LNX1: variants seen among roughly 807,000 people sequenced by gnomAD.
The protein encoded by LNX1 is ligand of numb-protein X 1, also known as E3 ubiquitin-protein ligase LNX.
Under a neutral mutation model 68.4 loss-of-function variants are expected in LNX1, and 54 were observed. The observed-to-expected ratio is 0.79, with a 90% CI of 0.63 to 0.99. The LOEUF is 0.99. LNX1 is among the 50% of genes least tolerant of loss of function. The pLI is 0.00. For synonymous variants in LNX1, 336 were observed against 350.0 expected, an observed-to-expected ratio of 0.96 and a Z score of 0.45; for missense variants, 906 against 926.4, an observed-to-expected ratio of 0.98 and a Z score of 0.29.
At chr4:53,597,657 T>C (rs11941712) in intron 2 of LNX1, among the ~76,000 whole-genome samples, 42,079 of 152,010 alleles carry the variant, frequency 0.28, 5,809 homozygotes, top group East Asian at 0.36. Flanking sequence ...CCAGGGCAGA[T>C]TTCTGTCTAG....
At chr4:53,636,061 T>C (rs1020780897) in intron 1 of LNX1, among the ~76,000 whole-genome samples, 4 of 151,774 alleles carry the variant, frequency 2.6e-5, no homozygotes, top group Non-Finnish European at 5.9e-5. Flanking sequence ...TACATTTACA[T>C]GAAGGAGATG....
intron 4 of LNX1, among the ~76,000 whole-genome samples, chr4:53,504,473 C>T (rs1005618796): frequency 2.6e-5 from 4 of 152,218 alleles, no homozygotes; most frequent in Non-Finnish European, 4.4e-5. Context: ...TTTTGTTTTT[C>T]TATCCAGGTT....
At chr4:53,587,321 A>G (rs1379890659) in intron 1 of LNX1, among the ~76,000 whole-genome samples, 1 of 152,128 alleles carries the variant, frequency 6.6e-6, no homozygotes, top group Non-Finnish European at 1.5e-5. Flanking sequence ...TGGTTTTTTT[A>G]TGGTTTTCAT....
intron 1 of LNX1, among the ~76,000 whole-genome samples, chr4:53,635,947 C>T (rs184632734): frequency 1.3e-5 from 2 of 152,132 alleles, no homozygotes; most frequent in African/African-American, 4.8e-5. Flanking sequence ...TGGGCTGATA[C>T]GGCCAGTGAT....
chr4:53,601,785 C>A (rs2109835988), intron 2 of LNX1, among the ~76,000 whole-genome samples: 1 of 152,270 alleles, frequency 6.6e-6, no homozygotes, highest in Non-Finnish European at 1.5e-5. Flanking sequence ...AAGATGGCAT[C>A]TTCTCCAGGA....
chr4:53,558,144 A>G (rs1730049606), intron 2 of LNX1: 2 of 1,405,080 alleles, frequency 1.4e-6, no homozygotes, highest in Non-Finnish European at 1.9e-6. Flanking sequence ...TAAGAAGATT[A>G]TGCTCTCTGA....
intron 1 of LNX1, among the ~76,000 whole-genome samples, chr4:53,641,719 G>A (rs947949388): frequency 6.6e-6 from 1 of 152,128 alleles, no homozygotes; most frequent in Non-Finnish European, 1.5e-5. Context: ...GTATTGATCT[G>A]CTTTCTATAA....
intron 1 of LNX1, among the ~76,000 whole-genome samples, chr4:53,625,757 C>G (rs1371117772): frequency 6.6e-6 from 1 of 152,036 alleles, no homozygotes; most frequent in Non-Finnish European, 1.5e-5. Context: ...TAGTAAGCCA[C>G]GACTGCATCA....
chr4:53,554,576 G>A (rs1395283522), intron 2 of LNX1, among the ~76,000 whole-genome samples: 1 of 152,194 alleles, frequency 6.6e-6, no homozygotes, highest in East Asian at 1.9e-4. Flanking sequence ...ATTCCTGGCT[G>A]GGCACAGTGG....
At position 53,478,704 on chromosome 4, in the gene LNX1, T is replaced by A. The variant is rs145700645; in HGVS notation, c.1524A>T (p.Val508=). ...ATTCACCGGGGTCTTTTTGGATATT[T>A]ACCACCTTCTCATGACAAGTAATTG... ...HPTITCHEKV[V]NIQKDPGESL... Residue 508 remains valine (V), a synonymous_variant, in exon 8 of 11, where the codon GTA becomes GTT. Coordinates refer to ENST00000263925, the MANE Select transcript of LNX1 (RefSeq NM_001126328.3). The A allele has an allele frequency of 5.0e-6, 8 of 1,614,002 alleles. No individual in the cohort carries two copies. Among genetic ancestry groups the A allele is most frequent in the Non-Finnish European group, 5.9e-6 (7 of 1,179,980 alleles).
chr4:53,650,624 A>G (rs1345252163), intron 1 of LNX1, among the ~76,000 whole-genome samples: 1 of 152,170 alleles, frequency 6.6e-6, no homozygotes, highest in Non-Finnish European at 1.5e-5. Context: ...CTGGGATTCA[A>G]AATTAGATCT....
intron 1 of LNX1, among the ~76,000 whole-genome samples, chr4:53,584,852 C>T (rs917262383): frequency 2.6e-5 from 4 of 152,232 alleles, no homozygotes; most frequent in Non-Finnish European, 4.4e-5. Flanking sequence ...GTGCTTCCCA[C>T]GTTACTTTGA....
chr4:53,623,519 C>A (rs1374096447), intron 1 of LNX1, among the ~76,000 whole-genome samples: 1 of 151,978 alleles, frequency 6.6e-6, no homozygotes, highest in Non-Finnish European at 1.5e-5. Context: ...CAGGTGTGAG[C>A]CACCATGCCT....
chr4:53,553,495 T>C (rs758980725), intron 2 of LNX1, among the ~76,000 whole-genome samples: 23 of 152,194 alleles, frequency 1.5e-4, no homozygotes, highest in African/African-American at 4.8e-4. Context: ...TACACTGTTC[T>C]AAGGTTTTCA....
intron 1 of LNX1, among the ~76,000 whole-genome samples, chr4:53,586,639 C>T (rs1213676148): frequency 6.6e-6 from 1 of 152,178 alleles, no homozygotes; most frequent in Non-Finnish European, 1.5e-5. Flanking sequence ...GTCAGCCTAC[C>T]ATGCCAAGGA....
At chr4:53,637,047 G>T (rs900301081) in intron 1 of LNX1, among the ~76,000 whole-genome samples, 1 of 149,842 alleles carries the variant, frequency 6.7e-6, no homozygotes, top group Non-Finnish European at 1.5e-5. Context: ...CTGAATTACC[G>T]CCTCAATTGT....
At chr4:53,579,249 A>C in intron 1 of LNX1, 1 of 984,404 alleles carries the variant, frequency 1.0e-6, no homozygotes, top group African/African-American at 1.7e-5. Flanking sequence ...TTCCCTCCTT[A>C]CGTACGTGTA....
rs1372517864 is a variant in LNX1, at chr4:53,459,878, C to CATT, written c.*1026_*1028dup. 2 of 235,786 alleles carry CATT rather than the reference C, an allele frequency of 8.5e-6. No individual in the cohort carries two copies. The highest frequency in any genetic ancestry group is 1.7e-5 in the Non-Finnish European group (2 of 119,708). The allele number at this position is 235,786 out of a possible 1,614,324, so 14.6% of individuals were successfully genotyped here. ...GCTTGAGATTAAAACTAGTCTTTAT[C>CATT]ATTACTGCTGTGACACTCTTGCTTA... On this transcript the variant is annotated 3_prime_UTR_variant, in exon 11 of 11. Coordinates refer to ENST00000263925, the MANE Select transcript of LNX1 (RefSeq NM_001126328.3).
intron 1 of LNX1, among the ~76,000 whole-genome samples, chr4:53,587,493 G>A (rs1732248005): frequency 6.6e-6 from 1 of 152,176 alleles, no homozygotes; most frequent in Non-Finnish European, 1.5e-5. Flanking sequence ...TCTATGTAAT[G>A]TCAGTACATA....
Sources: gnomAD v4.1 joint callset for allele counts (sites outside exome capture counted in the v4.1 genomes callset) on GRCh38, gnomAD v4.1.1 for gene constraint, MANE v1.5 for transcripts, NCBI Gene and HGNC (gene_info 2026-07-23, HGNC 2026-07-21) for gene names.